The following ACTR3C variants were observed in gnomAD, a reference collection of about 807,000 sequenced individuals.
ACTR3C encodes the protein actin-related protein 3C.
A neutral mutation model predicts 26.3 loss-of-function variants in ACTR3C; 18 were observed. The observed-to-expected ratio is 0.68, with a 90% CI of 0.47 to 1.01. ACTR3C has a LOEUF of 1.01. Among genes scored for constraint, ACTR3C ranks in the 50% least tolerant of loss-of-function variants. The pLI is 0.00. For synonymous variants in ACTR3C, 55 were observed against 94.5 expected, an observed-to-expected ratio of 0.58 and a Z score of 2.42; for missense variants, 184 against 250.7, an observed-to-expected ratio of 0.73 and a Z score of 1.80.
the ACTR3C span, among the ~76,000 whole-genome samples, chr7:150,224,965 T>A: frequency 2.6e-5 from 4 of 151,780 alleles, no homozygotes; most frequent in Non-Finnish European, 5.9e-5. Context: ...CACTGGGTGA[T>A]CTTCAGTGGC....
chr7:150,088,352 A>C, the ACTR3C span, among the ~76,000 whole-genome samples: 1 of 152,242 alleles, frequency 6.6e-6, no homozygotes, highest in South Asian at 2.1e-4. Context: ...ATGTAGGGCT[A>C]TGATTTCCTC....
the ACTR3C span, among the ~76,000 whole-genome samples, chr7:149,908,864 C>A: frequency 6.6e-6 from 1 of 151,954 alleles, no homozygotes; most frequent in South Asian, 2.1e-4. Flanking sequence ...TCACTGCAAC[C>A]TCCACCCCCC....
chr7:150,161,962 A>G, the ACTR3C span, among the ~76,000 whole-genome samples: 2 of 152,124 alleles, frequency 1.3e-5, no homozygotes, highest in Non-Finnish European at 2.9e-5. Context: ...CATCAGTCAT[A>G]TACTATATTT....
chr7:149,954,216 G>C, the ACTR3C span, among the ~76,000 whole-genome samples: 7 of 152,106 alleles, frequency 4.6e-5, no homozygotes, highest in Non-Finnish European at 7.3e-5. Context: ...GCTAAAAGAA[G>C]AATCACAATG....
chr7:150,107,672 T>G, the ACTR3C span, among the ~76,000 whole-genome samples: 2 of 151,792 alleles, frequency 1.3e-5, no homozygotes, highest in Non-Finnish European at 2.9e-5. Flanking sequence ...AATGTGAATA[T>G]AGAATTACCA....
the ACTR3C span, among the ~76,000 whole-genome samples, chr7:150,013,766 G>A: frequency 6.6e-6 from 1 of 152,210 alleles, no homozygotes; most frequent in Non-Finnish European, 1.5e-5. Context: ...TCAGCATTTT[G>A]AGCTGTGGCT....
At chr7:149,973,732 CCT>C in the ACTR3C span, among the ~76,000 whole-genome samples, 14,085 of 151,896 alleles carry the variant, frequency 0.093, 792 homozygotes, top group Non-Finnish European at 0.13. Context: ...CTCATTTTCC[CCT>C]GTTATAAATA....
At chr7:150,006,178 T>C in the ACTR3C span, among the ~76,000 whole-genome samples, 3 of 100,714 alleles carry the variant, frequency 3.0e-5, no homozygotes, top group Admixed American at 1.0e-4. Context: ...ACGACTGAAT[T>C]GCACAGAATT....
intron 1 of ACTR3C, among the ~76,000 whole-genome samples, chr7:150,299,518 G>A (rs1214587805): frequency 6.7e-6 from 1 of 148,950 alleles, no homozygotes; most frequent in Non-Finnish European, 1.5e-5. Context: ...GGGTGGTGTG[G>A]CTCACACCTG....
chr7:150,233,630 C>A, the ACTR3C span, among the ~76,000 whole-genome samples: 1 of 152,092 alleles, frequency 6.6e-6, no homozygotes, highest in Admixed American at 6.5e-5. Flanking sequence ...TGAAGACATT[C>A]TTTATTTATG....
chr7:150,028,005 T>A, the ACTR3C span, among the ~76,000 whole-genome samples: 1 of 152,224 alleles, frequency 6.6e-6, no homozygotes, highest in African/African-American at 2.4e-5. Context: ...GCCCAAAAAA[T>A]AAAAAAATTA....
the ACTR3C span, among the ~76,000 whole-genome samples, chr7:149,918,087 ATATAAAGTTCAAAC>A: frequency 6.6e-6 from 1 of 152,128 alleles, no homozygotes; most frequent in Non-Finnish European, 1.5e-5. Flanking sequence ...AGAATTCAAT[ATATAAAGTTCAAAC>A]TTAAATATTT....
the ACTR3C span, among the ~76,000 whole-genome samples, chr7:149,994,983 T>A: frequency 8.0e-5 from 12 of 150,772 alleles, no homozygotes; most frequent in African/African-American, 1.2e-4. Context: ...GCCTCCCGAG[T>A]AGCTGGGATT....
At chr7:150,128,664 C>T in the ACTR3C span, among the ~76,000 whole-genome samples, 9 of 151,566 alleles carry the variant, frequency 5.9e-5, no homozygotes, top group South Asian at 1.5e-3. Flanking sequence ...ATGCACGCTT[C>T]CTTCATGAAA....
chr7:150,236,435 T>A, the ACTR3C span, among the ~76,000 whole-genome samples: 1 of 152,144 alleles, frequency 6.6e-6, no homozygotes, highest in Non-Finnish European at 1.5e-5. Flanking sequence ...CTGAACCCAA[T>A]AATATCATGA....
chr7:150,004,545 A>C, the ACTR3C span: 5 of 152,186 alleles, frequency 3.3e-5, no homozygotes, highest in Non-Finnish European at 5.9e-5. Context: ...GAGTCAAAAG[A>C]TATGAATATA....
chr7:150,086,281 C>T, the ACTR3C span, among the ~76,000 whole-genome samples: 5 of 152,152 alleles, frequency 3.3e-5, no homozygotes, highest in African/African-American at 9.7e-5. Context: ...CAGCCCCATG[C>T]ATTATTTTGA....
At chr7:149,909,801 T>G in the ACTR3C span, 10 of 277,940 alleles carry the variant, frequency 3.6e-5, no homozygotes, top group Admixed American at 8.8e-4. Context: ...AGTCCTAAAA[T>G]AGCAAGCCTC....
At chr7:149,951,833 G>A in the ACTR3C span, among the ~76,000 whole-genome samples, 3 of 150,272 alleles carry the variant, frequency 2.0e-5, no homozygotes, top group African/African-American at 7.6e-5. Flanking sequence ...AGGGCCAAGT[G>A]AGCATTTTGG....
Sources: gnomAD v4.1 joint callset for allele counts (sites outside exome capture counted in the v4.1 genomes callset) on GRCh38, gnomAD v4.1.1 for gene constraint, MANE v1.5 for transcripts, NCBI Gene and HGNC (gene_info 2026-07-23, HGNC 2026-07-21) for gene names.